Variants in BCL11A observed in about 807,000 individuals in gnomAD.
The protein encoded by BCL11A is B cell CLL/lymphoma 11A.
In BCL11A, 2 loss-of-function variants were observed where a neutral mutation model predicts 55.9. That is an observed-to-expected ratio of 0.04 (90% CI 0.01 to 0.11). The LOEUF (loss-of-function observed/expected upper bound fraction) is 0.11. BCL11A is among the 10% of genes least tolerant of loss of function. The pLI is 1.00. For missense variants in BCL11A, 817 were observed against 1,137.1 expected, an observed-to-expected ratio of 0.72 and a Z score of 4.05; for synonymous variants, 465 against 473.4, an observed-to-expected ratio of 0.98 and a Z score of 0.23.
chr2:60,493,305 G>C (rs961495943), intron 2 of BCL11A, among the ~76,000 whole-genome samples: 23 of 151,478 alleles, frequency 1.5e-4, no homozygotes, highest in Admixed American at 3.9e-4. Flanking sequence ...TTATAGGAAT[G>C]TATGTCTACA....
At chr2:60,469,109 G>T (rs1337028847) in intron 2 of BCL11A, among the ~76,000 whole-genome samples, 1 of 152,170 alleles carries the variant, frequency 6.6e-6, no homozygotes, top group East Asian at 1.9e-4. Flanking sequence ...TTATTTATTT[G>T]TTGTTGTTTG....
At position 60,546,402 on chromosome 2, in the gene BCL11A, G is replaced by C; in HGVS notation, c.56-102C>G. ...ATGCCATCCCACCACATCATGTAAA[G>C]TGTTTCTAGGCTTCTCTATATAATA... On this transcript the variant is annotated intron_variant, in intron 1 of 3. Coordinates refer to ENST00000642384, the MANE Select transcript of BCL11A (RefSeq NM_022893.4). This position sits in a 1 kb window ranked among gnomAD's most constrained non-coding sequence, Gnocchi z 4.1. 1 of 967,940 alleles carries C rather than the reference G, an allele frequency of 1.0e-6. No homozygotes were observed. The highest frequency in any genetic ancestry group is 1.5e-6 in the Non-Finnish European group (1 of 647,968). 60.0% of individuals were successfully genotyped at this position (967,940 alleles called of 1,614,324 possible).
Position 60,460,633 on chromosome 2 carries a change from T to C in BCL11A, c.2279A>G (p.His760Arg). 6.2e-7 allele frequency: 1 copy of C among 1,614,170 alleles called. No individual in the cohort carries two copies. Among genetic ancestry groups the C allele is most frequent in the South Asian group, 1.1e-5 (1 of 91,090 alleles). The change falls in exon 4 of 4, where the codon CAC becomes CGC. Residue 760 changes from histidine (H) to arginine (R), a missense_variant. Transcript: ENST00000642384. ...CCTTTCGCCCGTGTGGCTTCTCCTG[T>C]GGACAGTGAGATTGCTACAGTTCTT... is the stretch of plus-strand genomic sequence containing the variant. Reference protein sequence around the residue: ...VFKNCSNLTVHRRSHTGERPY... With the variant: ...VFKNCSNLTVRRRSHTGERPY...
intron 1 of BCL11A, among the ~76,000 whole-genome samples, chr2:60,550,284 C>T (rs1282621560): frequency 6.6e-6 from 1 of 152,214 alleles, no homozygotes; most frequent in Non-Finnish European, 1.5e-5. Context: ...GTGTCGGCCG[C>T]GCGCCCGGTC....
At chr2:60,539,598 G>C (rs1447609255) in intron 2 of BCL11A, among the ~76,000 whole-genome samples, 3 of 152,206 alleles carry the variant, frequency 2.0e-5, no homozygotes, top group Non-Finnish European at 4.4e-5. Context: ...AATACAGTCT[G>C]ATGTTTACTG....
Position 60,461,525 on chromosome 2 carries a change from G to A in BCL11A, c.1387C>T (p.Leu463Phe). 6.2e-7 allele frequency: 1 copy of A among 1,608,184 alleles called. No individual in the cohort carries two copies. ...TTGAACTTGGCCACCACGGACTTGA[G>A]CGCGCTGCTGGCGCTGCCCACCAAG... is the stretch of plus-strand genomic sequence containing the variant. ...SDLVGSASSA[L>F]KSVVAKFKSE... The change falls in exon 4 of 4, where the codon CTC (leucine) becomes TTC (phenylalanine). Residue 463 changes from leucine to phenylalanine, a missense_variant. Physicochemically the swap from Leu to Phe is conservative, Grantham distance 22. This residue lies in a region of BCL11A where 379 missense variants were observed against 425.3 expected (regional missense o/e 0.89). Coordinates refer to ENST00000642384, the MANE Select transcript of BCL11A (RefSeq NM_022893.4).
At chr2:60,538,961 C>T (rs912254895) in intron 2 of BCL11A, among the ~76,000 whole-genome samples, 2 of 152,098 alleles carry the variant, frequency 1.3e-5, no homozygotes, top group Non-Finnish European at 1.5e-5. Context: ...CATACCAGCA[C>T]ATGCAAAAAA....
intron 2 of BCL11A, among the ~76,000 whole-genome samples, chr2:60,503,037 A>G (rs1679380716): frequency 6.6e-6 from 1 of 152,206 alleles, no homozygotes; most frequent in Admixed American, 6.5e-5. Flanking sequence ...GAGCAAAACC[A>G]ACGTGTCTGT....
At chr2:60,511,895 C>T (rs935416038) in intron 2 of BCL11A, among the ~76,000 whole-genome samples, 1 of 152,170 alleles carries the variant, frequency 6.6e-6, no homozygotes, top group Non-Finnish European at 1.5e-5. Flanking sequence ...TGATGAGGTG[C>T]TTCCTCTGCT....
intron 2 of BCL11A, among the ~76,000 whole-genome samples, chr2:60,539,523 A>T (rs538837898): frequency 7.7e-4 from 118 of 152,354 alleles, no homozygotes; most frequent in Admixed American, 1.7e-3. Context: ...CTGGCCAGTA[A>T]AAAGCAGGGA....
At chr2:60,518,007 G>C (rs1157628284) in intron 2 of BCL11A, among the ~76,000 whole-genome samples, 2 of 150,474 alleles carry the variant, frequency 1.3e-5, no homozygotes, top group African/African-American at 2.5e-5. Context: ...TTAATTACTT[G>C]AAGGCCAGAG....
At chr2:60,519,424 C>G (rs1377779075) in intron 2 of BCL11A, among the ~76,000 whole-genome samples, 1 of 152,172 alleles carries the variant, frequency 6.6e-6, no homozygotes, top group African/African-American at 2.4e-5. Context: ...TGTTGGAACG[C>G]TTACTTTATG....
intron 2 of BCL11A, among the ~76,000 whole-genome samples, chr2:60,476,912 G>T (rs1677638648): frequency 6.6e-6 from 1 of 152,058 alleles, no homozygotes; most frequent in South Asian, 2.1e-4. Context: ...GTGTGTATTG[G>T]GCCTTCTGAA....
chr2:60,474,402 G>T (rs1353635773), intron 2 of BCL11A, among the ~76,000 whole-genome samples: 1 of 152,090 alleles, frequency 6.6e-6, no homozygotes, highest in Non-Finnish European at 1.5e-5. Flanking sequence ...CCACTAAAAG[G>T]CAAATCCTTC....
At chr2:60,485,163 T>C (rs1678200418) in intron 2 of BCL11A, among the ~76,000 whole-genome samples, 1 of 152,238 alleles carries the variant, frequency 6.6e-6, no homozygotes, top group Admixed American at 6.5e-5. Context: ...AGGCCCCTTC[T>C]TCCTTGAAGT....
intron 2 of BCL11A, among the ~76,000 whole-genome samples, chr2:60,514,647 G>A (rs1334176093): frequency 2.7e-5 from 4 of 150,262 alleles, no homozygotes; most frequent in Admixed American, 6.6e-5. Flanking sequence ...CAGCCTGGGC[G>A]ACAGAGCGAG....
intron 2 of BCL11A, chr2:60,528,398 C>A: frequency 6.6e-6 from 1 of 152,590 alleles, no homozygotes; most frequent in Non-Finnish European, 1.5e-5. Flanking sequence ...TGATTTCAGG[C>A]TCATTCTGGA....
rs1382613868 is a variant in BCL11A at position 60,460,311 on chromosome 2, T to A, written c.*93A>T. On this transcript the variant is annotated 3_prime_UTR_variant, in exon 4 of 4. Transcript: ENST00000642384. ...TAAATCACATGGGACTAGAAAAAAA[T>A]CCTACAGGGAGTGGGGCTGGAGGGC... The A allele has an allele frequency of 6.7e-7, 1 of 1,500,418 alleles. No individual in the cohort carries two copies. The highest frequency in any genetic ancestry group is 8.9e-7 in the Non-Finnish European group (1 of 1,125,440). The allele number at this position is 1,500,418 out of a possible 1,614,324, so 92.9% of individuals were successfully genotyped here. A position where few individuals can be genotyped will look rare whatever the true frequency, so the allele number is the denominator to read the frequency against.
In BCL11A at chr2:60,552,343, A is replaced by G. The variant is rs7576657; in HGVS notation, c.55+873T>C. Among the ~76,000 whole-genome samples, 2 of 151,834 alleles carry G rather than the reference A, an allele frequency of 1.3e-5. 1 individual carries two copies. Among genetic ancestry groups the G allele is most frequent in the South Asian group, 4.1e-4 (2 of 4,820 alleles). ...GAGGGGAGGGCAGCGGCAACCCAGG[A>G]GGCAGCAGTCCGGGCTCCCTCCCTC... On this transcript the variant is annotated intron_variant, in intron 1 of 3. Transcript: ENST00000642384.
Sources: allele counts gnomAD v4.1 joint callset (sites outside exome capture counted in the v4.1 genomes callset), GRCh38; gene constraint gnomAD v4.1.1; regional missense constraint gnomAD v4.1.1; non-coding constraint Gnocchi (gnomAD v3.1); transcripts MANE v1.5; gene names NCBI Gene and HGNC (gene_info 2026-07-23, HGNC 2026-07-21).